Variants in CRB1 observed in about 807,000 individuals in gnomAD.
CRB1 encodes the protein crumbs cell polarity complex component 1.
A neutral mutation model predicts 120.0 loss-of-function variants in CRB1; 83 were observed. The observed-to-expected ratio is 0.69, with a 90% CI of 0.58 to 0.83. CRB1 has a LOEUF of 0.83. CRB1 is among the 40% of genes least tolerant of loss of function. The pLI, the probability that CRB1 is intolerant of heterozygous loss-of-function variation, is 0.00. For missense variants in CRB1, 1,699 were observed against 1,687.6 expected, an observed-to-expected ratio of 1.01 and a Z score of -0.12; for synonymous variants, 625 against 612.5, an observed-to-expected ratio of 1.02 and a Z score of -0.30.
intron 5 of CRB1, among the ~76,000 whole-genome samples, chr1:197,420,192 G>C (rs960429223): frequency 6.6e-6 from 1 of 152,004 alleles, no homozygotes; most frequent in Non-Finnish European, 1.5e-5. Context: ...AAAGTCCTAC[G>C]CATATGTCTG....
At chr1:197,468,725 A>T (rs1411294355) in intron 11 of CRB1, among the ~76,000 whole-genome samples, 1 of 152,218 alleles carries the variant, frequency 6.6e-6, no homozygotes, top group Admixed American at 6.5e-5. Context: ...CGCATATGTT[A>T]TGCCAGGCAG....
chr1:197,302,234 A>T lies in CRB1; in HGVS notation c.71-26188A>T, dbSNP rs181273643. 3.4e-4 allele frequency among the ~76,000 whole-genome samples: 52 copies of T among 152,330 alleles called. 1 individual carries two copies. Among genetic ancestry groups the T allele is most frequent in the South Asian group, 1.9e-3 (9 of 4,826 alleles). The stretch of plus-strand genomic sequence containing the variant: ...GGCAAGACCCTCCACCAGCAAAAAG[A>T]TTATGACTTGCTAAAGGCTGAGATG... On this transcript the variant is annotated intron_variant, in intron 1 of 11. Transcript: ENST00000367400.
At position 197,451,777 on chromosome 1, in the gene CRB1, T is replaced by G. The variant is rs567799632; in HGVS notation, c.4005+9485T>G. ...TGGGAAAGTTTGTTTAAATTGCGCT[T>G]TTCTTCTTAATGTCATATGGTAAAA... On this transcript the variant is annotated intron_variant, in intron 11 of 11. Transcript: ENST00000367400. 1.2e-4 allele frequency among the ~76,000 whole-genome samples: 18 copies of G among 152,338 alleles called. No individual in the cohort carries two copies. The South Asian group carries it at 3.7e-3, about 32-fold the overall frequency.
intron 2 of CRB1, among the ~76,000 whole-genome samples, chr1:197,336,196 C>T (rs1329131625): frequency 6.6e-6 from 1 of 152,144 alleles, no homozygotes; most frequent in Non-Finnish European, 1.5e-5. Flanking sequence ...ATGCATAAGT[C>T]TAAGAGGTAT....
rs572564402 is a variant in CRB1, at chr1:197,466,207, G to A, written c.4006-11457G>A. On this transcript the variant is annotated intron_variant, in intron 11 of 11. Transcript: ENST00000367400. ...TATTTGATTAATCAACACTTATGCA[G>A]GTTGAAGGGACGATGCATTGGCTCT... Among the ~76,000 whole-genome samples, 7 of 152,302 alleles carry A rather than the reference G, an allele frequency of 4.6e-5. No individual in the cohort carries two copies. In the South Asian group the frequency reaches 1.4e-3, roughly 32 times the overall value.
the CRB1 span, among the ~76,000 whole-genome samples, chr1:197,247,088 A>T: frequency 6.6e-6 from 1 of 152,012 alleles, no homozygotes. Context: ...TTCAGTTTAC[A>T]CCAAATGCTA....
At chr1:197,284,192 A>G (rs769083324) in intron 1 of CRB1, among the ~76,000 whole-genome samples, 2 of 151,928 alleles carry the variant, frequency 1.3e-5, no homozygotes, top group African/African-American at 2.4e-5. Flanking sequence ...AATAGACTTC[A>G]TCAAGCACCA....
rs557844073 is a variant in CRB1, at chr1:197,421,091, C to T, written c.1263C>T (p.Cys421=). The T allele has an allele frequency of 6.2e-7, 1 of 1,614,214 alleles. No individual in the cohort carries two copies. The highest frequency in any genetic ancestry group is 1.1e-5 in the South Asian group (1 of 91,086). The part of the protein sequence containing the change: ...TCENLPGNYT[C]HCPFDNLSRT... The stretch of plus-strand genomic sequence containing the variant: ...AGAACTTGCCTGGGAATTATACTTG[C>T]CATTGCCCATTTGATAACCTTTCTA... The change falls in exon 6 of 12, where the codon TGC becomes TGT. Residue 421 remains cysteine (C), a synonymous_variant. Coordinates refer to ENST00000367400, the MANE Select transcript of CRB1 (RefSeq NM_201253.3).
chr1:197,227,454 G>T, the CRB1 span, among the ~76,000 whole-genome samples: 1 of 149,284 alleles, frequency 6.7e-6, no homozygotes, highest in Non-Finnish European at 1.5e-5. Flanking sequence ...TGCGTGGCAC[G>T]AAGGGCAGTC....
chr1:197,334,855 G>C (rs1659061321), intron 2 of CRB1, among the ~76,000 whole-genome samples: 1 of 152,210 alleles, frequency 6.6e-6, no homozygotes, highest in Non-Finnish European at 1.5e-5. Flanking sequence ...GTAAAGAGAA[G>C]TGATGACAAA....
At chr1:197,466,651 G>A (rs751264009) in intron 11 of CRB1, among the ~76,000 whole-genome samples, 11 of 152,228 alleles carry the variant, frequency 7.2e-5, no homozygotes, top group Admixed American at 2.0e-4. Context: ...TTTGGCAACT[G>A]GTTTTGATTT....
the CRB1 span, among the ~76,000 whole-genome samples, chr1:197,213,203 T>G: frequency 6.3e-3 from 960 of 152,296 alleles, 14 homozygotes; most frequent in African/African-American, 0.022. Context: ...TAATAGTGTA[T>G]TAAGTGATTC....
the CRB1 span, among the ~76,000 whole-genome samples, chr1:197,235,793 A>T: frequency 6.6e-6 from 1 of 152,160 alleles, no homozygotes; most frequent in Admixed American, 6.5e-5. Flanking sequence ...GGTTTTAGAA[A>T]CCAGAATACT....
rs1389148753 is a variant in CRB1, at chr1:197,321,055, C to T, written c.71-7367C>T. On this transcript the variant is annotated intron_variant, in intron 1 of 11. Coordinates refer to ENST00000367400, the MANE Select transcript of CRB1 (RefSeq NM_201253.3). ...TCCCATTTCCCTGGTGTTTTGTGCT[C>T]AGCAATGAAGCCTCGGAATTCATTA... Among the ~76,000 whole-genome samples the T allele has an allele frequency of 2.0e-5, 3 of 152,158 alleles. No homozygotes were observed. The East Asian group carries it at 5.8e-4, about 29-fold the overall frequency.
intron 4 of CRB1, among the ~76,000 whole-genome samples, chr1:197,352,464 T>C (rs549319947): frequency 1.3e-5 from 2 of 152,258 alleles, no homozygotes; most frequent in South Asian, 2.1e-4. Context: ...AAATTGAAAA[T>C]AGTCCAGCCT....
intron 5 of CRB1, among the ~76,000 whole-genome samples, chr1:197,413,384 A>T (rs1272820789): frequency 6.6e-6 from 1 of 152,186 alleles, no homozygotes; most frequent in East Asian, 1.9e-4. Context: ...AATTAATAAA[A>T]GCCTTTACTC....
At chr1:197,408,040 C>T (rs868259629) in intron 5 of CRB1, among the ~76,000 whole-genome samples, 18 of 151,974 alleles carry the variant, frequency 1.2e-4, no homozygotes, top group African/African-American at 3.6e-4. Flanking sequence ...TTATATAATA[C>T]CGTACACTAG....
chr1:197,292,359 CAGGAAGTTG>C (rs955163330), intron 1 of CRB1, among the ~76,000 whole-genome samples: 2 of 151,576 alleles, frequency 1.3e-5, no homozygotes, highest in African/African-American at 2.4e-5. Flanking sequence ...AAGACTAAGC[CAGGAAGTTG>C]AATCCCTGAA....
chr1:197,271,023 C>A (rs1322332292), intron 1 of CRB1, among the ~76,000 whole-genome samples: 2 of 151,958 alleles, frequency 1.3e-5, no homozygotes, highest in African/African-American at 2.4e-5. Flanking sequence ...AACAAGACCT[C>A]ATTTCTACAC....
Sources: gnomAD v4.1 joint callset for allele counts (sites outside exome capture counted in the v4.1 genomes callset) on GRCh38, gnomAD v4.1.1 for gene constraint, MANE v1.5 for transcripts, NCBI Gene and HGNC (gene_info 2026-07-23, HGNC 2026-07-21) for gene names.